UNC13C: variants seen among roughly 807,000 people sequenced by gnomAD.
UNC13C encodes the protein unc-13 homolog C.
In UNC13C, 174 loss-of-function variants were observed where a neutral mutation model predicts 245.4. The observed-to-expected ratio is 0.71, with a 90% confidence interval of 0.63 to 0.80. UNC13C has a LOEUF of 0.80. UNC13C is among the 30% of genes least tolerant of loss of function. The pLI is 0.00. For synonymous variants in UNC13C, 992 were observed against 895.1 expected, an observed-to-expected ratio of 1.11 and a Z score of -1.93; for missense variants, 2,829 against 2,602.9, an observed-to-expected ratio of 1.09 and a Z score of -1.89.
intron 18 of UNC13C, among the ~76,000 whole-genome samples, chr15:54,410,308 C>A (rs148810179): frequency 3.9e-5 from 6 of 152,212 alleles, no homozygotes; most frequent in Admixed American, 1.3e-4. Flanking sequence ...GTATTTTCTC[C>A]CATTCTGAAG....
intron 4 of UNC13C, among the ~76,000 whole-genome samples, chr15:54,232,584 A>G (rs1403456094): frequency 6.6e-6 from 1 of 152,150 alleles, no homozygotes; most frequent in Non-Finnish European, 1.5e-5. Context: ...ATAAAAGAAA[A>G]TTCACAACTC....
intron 17 of UNC13C, among the ~76,000 whole-genome samples, chr15:54,383,342 T>C (rs1460705989): frequency 1.3e-5 from 2 of 152,058 alleles, no homozygotes; most frequent in Non-Finnish European, 2.9e-5. Context: ...TGCATCATGA[T>C]CAAGTGAGAT....
intron 13 of UNC13C, among the ~76,000 whole-genome samples, chr15:54,318,000 T>G (rs1341748270): frequency 6.6e-6 from 1 of 152,044 alleles, no homozygotes; most frequent in African/African-American, 2.4e-5. Flanking sequence ...TTTGTCTTTC[T>G]GTGTCTGGCT....
chr15:53,854,270 A>G, the UNC13C span, among the ~76,000 whole-genome samples: 112 of 151,616 alleles, frequency 7.4e-4, no homozygotes, highest in Middle Eastern at 3.4e-3. Context: ...ACAGGCACAC[A>G]CCACCATGCC....
At chr15:53,845,322 CAAAA>C in the UNC13C span, among the ~76,000 whole-genome samples, 4 of 135,050 alleles carry the variant, frequency 3.0e-5, no homozygotes, top group South Asian at 2.4e-4. Flanking sequence ...GAGAGTCTCT[CAAAA>C]AAAAAAAAAA....
At chr15:53,944,282 G>C in the UNC13C span, among the ~76,000 whole-genome samples, 1 of 151,734 alleles carries the variant, frequency 6.6e-6, no homozygotes, top group Non-Finnish European at 1.5e-5. Flanking sequence ...AGGTTCAGGG[G>C]TACATGTGCA....
chr15:54,091,024 A>G lies in UNC13C; in HGVS notation c.2984-51994A>G, dbSNP rs1169329608. 3.6e-5 allele frequency among the ~76,000 whole-genome samples: 5 copies of G among 138,524 alleles called. No individual in the cohort carries two copies. In the South Asian group the frequency reaches 1.3e-3, roughly 36 times the overall value. 90.9% of individuals were successfully genotyped at this position (138,524 alleles called of 152,430 possible). ...TCTGTAAGCTCTGAATGTCATCCCA[A>G]AAAGCCTGTAAGTCACATACCTTCC... On this transcript the variant is annotated intron_variant, in intron 2 of 32. Transcript: ENST00000260323.
intron 19 of UNC13C, among the ~76,000 whole-genome samples, chr15:54,458,917 G>C (rs911601114): frequency 3.3e-5 from 5 of 151,794 alleles, no homozygotes; most frequent in Non-Finnish European, 4.4e-5. Flanking sequence ...ATTGAGATGT[G>C]AGGTACTGTT....
chr15:54,275,256 A>G (rs2036802730), intron 10 of UNC13C, among the ~76,000 whole-genome samples: 1 of 152,214 alleles, frequency 6.6e-6, no homozygotes, highest in South Asian at 2.1e-4. Flanking sequence ...ACTTTGCCCA[A>G]CAAGAACAGA....
At chr15:54,144,953 A>G (rs2032191637) in intron 4 of UNC13C, among the ~76,000 whole-genome samples, 2 of 151,884 alleles carry the variant, frequency 1.3e-5, no homozygotes, top group Non-Finnish European at 2.9e-5. Flanking sequence ...CTATCTATCT[A>G]TATAGATTTT....
intron 16 of UNC13C, among the ~76,000 whole-genome samples, chr15:54,334,981 A>G (rs984080959): frequency 1.4e-5 from 2 of 147,854 alleles, no homozygotes; most frequent in Non-Finnish European, 3.0e-5. Context: ...TATTTCAATG[A>G]AAAAAAAAAT....
At chr15:54,175,508 A>ATTTTTTTTTTTTTTTTTTTTTTT (rs55925649) in intron 4 of UNC13C, among the ~76,000 whole-genome samples, 11 of 105,986 alleles carry the variant, frequency 1.0e-4, no homozygotes, top group East Asian at 9.1e-4. Context: ...TGGCCCTAGA[A>ATTTTTTTTTTTTTTTTTTTTTTT]TTTTTTTTTT....
At chr15:54,582,406 A>T (rs1036151159) in intron 30 of UNC13C, among the ~76,000 whole-genome samples, 1 of 152,164 alleles carries the variant, frequency 6.6e-6, no homozygotes, top group African/African-American at 2.4e-5. Flanking sequence ...GTCTACTAAG[A>T]TATGAGATAT....
At chr15:53,996,632 C>T (rs1325370860) in intron 1 of UNC13C, among the ~76,000 whole-genome samples, 1 of 152,100 alleles carries the variant, frequency 6.6e-6, no homozygotes. Context: ...AAGTCAATCT[C>T]CACTCTTCAT....
chr15:54,303,907 T>C (rs1330455907), intron 13 of UNC13C, among the ~76,000 whole-genome samples: 1 of 152,098 alleles, frequency 6.6e-6, no homozygotes. Context: ...GATAAGCCTT[T>C]AAGATAAGTA....
chr15:54,441,177 C>G (rs1466167475), intron 19 of UNC13C, among the ~76,000 whole-genome samples: 2 of 151,726 alleles, frequency 1.3e-5, no homozygotes, highest in African/African-American at 2.4e-5. Flanking sequence ...AGTCCCAGTC[C>G]CATTTGTCTT....
chr15:54,087,217 G>GT (rs200897386), intron 2 of UNC13C, among the ~76,000 whole-genome samples: 181 of 152,120 alleles, frequency 1.2e-3, no homozygotes, highest in Middle Eastern at 6.8e-3. Context: ...GTAGAGTGCA[G>GT]TTTTTTTAAA....
chr15:53,882,599 G>A, the UNC13C span, among the ~76,000 whole-genome samples: 1 of 152,016 alleles, frequency 6.6e-6, no homozygotes, highest in Admixed American at 6.6e-5. Flanking sequence ...ACGATAACAG[G>A]GCCAAATGAA....
At chr15:54,380,348 T>C (rs889384589) in intron 17 of UNC13C, among the ~76,000 whole-genome samples, 5 of 152,200 alleles carry the variant, frequency 3.3e-5, no homozygotes, top group Admixed American at 2.0e-4. Flanking sequence ...TTTATACATA[T>C]GTATGGTTTT....
Sources: gnomAD v4.1 joint callset for allele counts (sites outside exome capture counted in the v4.1 genomes callset) on GRCh38, gnomAD v4.1.1 for gene constraint, MANE v1.5 for transcripts, NCBI Gene and HGNC (gene_info 2026-07-23, HGNC 2026-07-21) for gene names.